The following SERPINH1 variants were observed in gnomAD, a reference collection of about 807,000 sequenced individuals.
SERPINH1 encodes the protein serpin H1.
In SERPINH1, 22 loss-of-function variants were observed where a neutral mutation model predicts 32.3. That is an observed-to-expected ratio of 0.68 (90% confidence interval 0.49 to 0.97). SERPINH1 has a LOEUF of 0.97. SERPINH1 is among the 50% of genes least tolerant of loss of function. SERPINH1 has a pLI of 0.00. For missense variants in SERPINH1, 543 were observed against 576.4 expected (o/e 0.94, Z 0.59); for synonymous variants, 251 against 245.9 (o/e 1.02, Z -0.19).
At position 75,568,983 on chromosome 11, in the gene SERPINH1, G is replaced by A. The variant is rs749664592; in HGVS notation, c.766G>A (p.Val256Met). The change falls in exon 4 of 5, where the codon GTG (valine) becomes ATG (methionine). Residue 256 changes from valine to methionine, a missense_variant. By Grantham distance (21) the Val-to-Met change is conservative. Coordinates refer to ENST00000358171, the MANE Select transcript of SERPINH1 (RefSeq NM_001235.5). ...CGACGAGAAGGAAAAGCTGCAAATC[G>A]TGGAGATGCCCCTGGCCCACAAGCT... ...YDDEKEKLQIVEMPLAHKLSS... is the reference protein window; with the variant it reads ...YDDEKEKLQIMEMPLAHKLSS... 1.1e-5 allele frequency: 18 copies of A among 1,614,126 alleles called. No homozygotes were observed. The South Asian group carries it at 1.4e-4, about 13-fold the overall frequency.
chr11:75,568,316 T>G, intron 2 of SERPINH1: 2 of 282,214 alleles, frequency 7.1e-6, no homozygotes, highest in Non-Finnish European at 6.9e-6. Flanking sequence ...AAAAAAAAAA[T>G]TAAGGGTGGT....
rs112932104 is a variant in SERPINH1, at chr11:75,570,478, T to C, written c.955-1303T>C. On this transcript the variant is annotated intron_variant, in intron 4 of 4. Coordinates refer to ENST00000358171, the MANE Select transcript of SERPINH1 (RefSeq NM_001235.5). The stretch of plus-strand genomic sequence containing the variant: ...TCCCCTTGTTCCTCTGGTGTCTTCC[T>C]GGAACCCTCAGTGGAGACCCCACCC... 8.5e-5 allele frequency among the ~76,000 whole-genome samples: 13 copies of C among 152,280 alleles called. 1 individual carries two copies. The highest frequency in any genetic ancestry group is 2.4e-4 in the African/African-American group (10 of 41,566).
At position 75,566,560 on chromosome 11, in the gene SERPINH1, C is replaced by G. The variant is rs779144412; in HGVS notation, c.211C>G (p.Pro71Ala). Residue 71 changes from proline to alanine, a missense_variant, in exon 2 of 5, where the codon CCC becomes GCC. Around this residue, in one of 3 missense-constraint regions of SERPINH1, gnomAD observed 109 missense variants for 102.4 expected, o/e 1.06. Transcript: ENST00000358171. Reference sequence around the variant, plus strand: ...GGCAGTGGAGAACATCCTGGTGTCACCCGTGGTGGTGGCCTCGTCGCTAGG... The same window carrying G: ...GGCAGTGGAGAACATCCTGGTGTCAGCCGTGGTGGTGGCCTCGTCGCTAGG... ...DQAVENILVSPVVVASSLGLV... is the reference protein window; with the variant it reads ...DQAVENILVSAVVVASSLGLV... The G allele has an allele frequency of 1.2e-6, 2 of 1,610,594 alleles. No individual in the cohort carries two copies. Among genetic ancestry groups the G allele is most frequent in the Non-Finnish European group, 1.7e-6 (2 of 1,179,486 alleles).
Position 75,566,661 on chromosome 11 carries a change from C to G in SERPINH1, c.312C>G (p.Asp104Glu). The change falls in exon 2 of 5, where the codon GAC becomes GAG. Residue 104 changes from aspartate (D) to glutamate (E), a missense_variant. Physicochemically the swap from Asp to Glu is conservative, Grantham distance 45. Coordinates refer to ENST00000358171, the MANE Select transcript of SERPINH1 (RefSeq NM_001235.5). The stretch of plus-strand genomic sequence containing the variant: ...TGCTGAGCGCCGAGCAGCTGCGCGA[C>G]GAGGAGGTGCACGCCGGCCTGGGCG... ...KAVLSAEQLR[D>E]EEVHAGLGEL... 1 of 1,607,942 alleles carries G rather than the reference C, an allele frequency of 6.2e-7. No homozygotes were observed. The highest frequency in any genetic ancestry group is 8.5e-7 in the Non-Finnish European group (1 of 1,178,032).
chr11:75,563,474 G>C (rs1312063605), intron 1 of SERPINH1: 2 of 152,170 alleles, frequency 1.3e-5, no homozygotes, highest in Non-Finnish European at 2.9e-5. Flanking sequence ...ACAGGACACC[G>C]CATGCAGCCC....
intron 1 of SERPINH1, chr11:75,562,746 C>T (rs555239987): frequency 5.3e-5 from 8 of 152,354 alleles, no homozygotes; most frequent in Admixed American, 2.0e-4. Context: ...AGGCCGGCCT[C>T]GCAGTTCCAG....
At position 75,572,304 on chromosome 11, in the gene SERPINH1, A is replaced by T. The variant is rs1031312994; in HGVS notation, c.*221A>T. The T allele has an allele frequency of 4.9e-6, 3 of 613,236 alleles. No individual in the cohort carries two copies. In the African/African-American group the frequency reaches 5.5e-5, roughly 11 times the overall value. 38.0% of individuals were successfully genotyped at this position (613,236 alleles called of 1,614,324 possible). The stretch of plus-strand genomic sequence containing the variant: ...AGATACCATGATGCTGAGCCCGGAA[A>T]CTCCACATCCTGTGGGACCTGGGCC... On this transcript the variant is annotated 3_prime_UTR_variant, in exon 5 of 5. Coordinates refer to ENST00000358171, the MANE Select transcript of SERPINH1 (RefSeq NM_001235.5).
intron 1 of SERPINH1, chr11:75,562,996 C>G (rs1296103630): frequency 6.6e-6 from 1 of 152,208 alleles, no homozygotes; most frequent in Non-Finnish European, 1.5e-5. Context: ...CTCCCTACCA[C>G]TCCGAAAAAA....
At chr11:75,567,056 C>T in intron 2 of SERPINH1, 85 bp downstream of exon 2, 1 of 1,409,034 alleles carries the variant, frequency 7.1e-7, no homozygotes, top group Non-Finnish European at 9.6e-7. Flanking sequence ...GCGCTCCATT[C>T]TTCACTGCCT....
chr11:75,566,099 G>A (rs1222050976), intron 1 of SERPINH1, among the ~76,000 whole-genome samples: 2 of 152,238 alleles, frequency 1.3e-5, no homozygotes, highest in Non-Finnish European at 2.9e-5. Context: ...AATCAATAAG[G>A]TGGTCTGGTG....
chr11:75,563,012 T>C (rs574181390), intron 1 of SERPINH1: 1 of 151,506 alleles, frequency 6.6e-6, no homozygotes, highest in South Asian at 2.1e-4. Flanking sequence ...AAAAAGAGAG[T>C]GGGGGTCAGC....
At chr11:75,570,573 A>C (rs1406022660) in intron 4 of SERPINH1, among the ~76,000 whole-genome samples, 2 of 152,208 alleles carry the variant, frequency 1.3e-5, no homozygotes, top group Admixed American at 1.3e-4. Context: ...CCGGGTGGGA[A>C]GAGCTGGGCC....
intron 4 of SERPINH1, among the ~76,000 whole-genome samples, chr11:75,571,333 C>T (rs1184669957): frequency 6.6e-6 from 1 of 152,106 alleles, no homozygotes; most frequent in Non-Finnish European, 1.5e-5. Flanking sequence ...ACATAGTTGT[C>T]CTTAGATCAG....
chr11:75,570,920 A>G (rs560045850), intron 4 of SERPINH1, among the ~76,000 whole-genome samples: 1 of 152,282 alleles, frequency 6.6e-6, no homozygotes, highest in Admixed American at 6.5e-5. Flanking sequence ...GGGAGACAGG[A>G]TGGCCATCCA....
chr11:75,563,964 T>C (rs941807435), intron 1 of SERPINH1, among the ~76,000 whole-genome samples: 1 of 152,224 alleles, frequency 6.6e-6, no homozygotes, highest in Non-Finnish European at 1.5e-5. Context: ...CAAGATGGGC[T>C]GGGCTGTGGG....
Position 75,566,472 on chromosome 11 carries a change from C to T in SERPINH1, c.123C>T (p.Ala41=), listed in dbSNP as rs770639155. The change falls in exon 2 of 5, where the codon GCC becomes GCT. Residue 41 remains alanine (A), a synonymous_variant. Coordinates refer to ENST00000358171, the MANE Select transcript of SERPINH1 (RefSeq NM_001235.5). Reference sequence around the variant, plus strand: ...CGGAGAAGTTGAGCCCCAAGGCGGCCACGCTTGCCGAGCGCAGCGCCGGCC... The same window carrying T: ...CGGAGAAGTTGAGCCCCAAGGCGGCTACGCTTGCCGAGCGCAGCGCCGGCC... ...GTAEKLSPKA[A]TLAERSAGLA... 2 of 1,612,346 alleles carry T rather than the reference C, an allele frequency of 1.2e-6. No homozygotes were observed. The highest frequency in any genetic ancestry group is 1.7e-6 in the Non-Finnish European group (2 of 1,179,848).
intron 1 of SERPINH1, 57 bp from the exon 2 acceptor site, chr11:75,566,259 T>G: frequency 1.4e-6 from 2 of 1,456,448 alleles, no homozygotes; most frequent in Non-Finnish European, 1.9e-6. Context: ...CTGAGGGTGG[T>G]TGTTGGGGAG....
Position 75,572,143 on chromosome 11 carries a change from G to A in SERPINH1, c.*60G>A, listed in dbSNP as rs1942209130. On this transcript the variant is annotated 3_prime_UTR_variant, in exon 5 of 5. Transcript: ENST00000358171. ...CCAAAGGCTCCTGAGACACATGGGT[G>A]CTATTGGGGTTGGGGGGGAGGTGAG... 6.4e-7 allele frequency: 1 copy of A among 1,550,390 alleles called. No individual in the cohort carries two copies. Among genetic ancestry groups the A allele is most frequent in the Admixed American group, 1.7e-5 (1 of 58,508 alleles).
rs1458326459 is a variant in SERPINH1 at position 75,568,819 on chromosome 11, G to A, written c.711G>A (p.Met237Ile). The change falls in exon 3 of 5, where the codon ATG (methionine) becomes ATA (isoleucine). Residue 237 changes from methionine (M) to isoleucine (I), a missense_variant. By Grantham distance (10) the Met-to-Ile change is conservative. This residue lies in a region of SERPINH1 where 427 missense variants were observed against 446.4 expected (regional missense o/e 0.96). Transcript: ENST00000358171. ...TRSYTVGVMM[M>I]HRTGLYNYYD... Reference sequence around the variant, plus strand: ...CCTATACCGTGGGTGTCATGATGATGCACCGGACAGGTAGGTGCTGTGAGG... The same window carrying A: ...CCTATACCGTGGGTGTCATGATGATACACCGGACAGGTAGGTGCTGTGAGG... 1 of 1,612,960 alleles carries A rather than the reference G, an allele frequency of 6.2e-7. No homozygotes were observed.
Sources: allele counts gnomAD v4.1 joint callset (sites outside exome capture counted in the v4.1 genomes callset), GRCh38; gene constraint gnomAD v4.1.1; regional missense constraint gnomAD v4.1.1; transcripts MANE v1.5; gene names NCBI Gene and HGNC (gene_info 2026-07-23, HGNC 2026-07-21).